RASEF: variants seen among roughly 807,000 people sequenced by gnomAD.
RASEF encodes RAS and EF-hand domain containing.
In RASEF, 68 loss-of-function variants were observed where a neutral mutation model predicts 90.1. That is an observed-to-expected ratio of 0.75 (90% CI 0.62 to 0.92). The LOEUF (loss-of-function observed/expected upper bound fraction) is 0.92, where lower values mean the gene tolerates loss of function less well. Among genes scored for constraint, RASEF ranks in the 40% least tolerant of loss-of-function variants. The pLI, the probability that RASEF is intolerant of heterozygous loss-of-function variation, is 0.00. For missense variants in RASEF, 949 were observed against 937.2 expected (o/e 1.01, Z -0.16); for synonymous variants, 331 against 345.2 (o/e 0.96, Z 0.46).
the RASEF span, among the ~76,000 whole-genome samples, chr9:83,088,413 C>T: frequency 1.3e-4 from 11 of 86,312 alleles, no homozygotes; most frequent in Admixed American, 5.9e-4. Context: ...TAGATAGATA[C>T]ACAGATAATA....
At chr9:83,102,261 A>G in the RASEF span, among the ~76,000 whole-genome samples, 1 of 152,164 alleles carries the variant, frequency 6.6e-6, no homozygotes, top group Admixed American at 6.5e-5. Flanking sequence ...TATTTTTAGT[A>G]GAGACAGGCT....
chr9:83,091,846 C>A, the RASEF span, among the ~76,000 whole-genome samples: 1 of 152,042 alleles, frequency 6.6e-6, no homozygotes, highest in African/African-American at 2.4e-5. Flanking sequence ...TTGTTTACTG[C>A]TTCCATCAGT....
intron 1 of RASEF, among the ~76,000 whole-genome samples, chr9:83,045,305 G>A (rs902716198): frequency 8.5e-5 from 13 of 152,154 alleles, no homozygotes; most frequent in African/African-American, 1.4e-4. Context: ...CAATGTACCA[G>A]CTTCACAGTG....
chr9:82,993,198 C>T (rs1477408094), intron 14 of RASEF, among the ~76,000 whole-genome samples, 173 bp from the exon 15 acceptor site: 1 of 152,124 alleles, frequency 6.6e-6, no homozygotes, highest in Non-Finnish European at 1.5e-5. Context: ...ATACATTTTC[C>T]CATTCACAGA....
chr9:83,216,817 C>T, the RASEF span, among the ~76,000 whole-genome samples: 1 of 151,606 alleles, frequency 6.6e-6, no homozygotes, highest in Middle Eastern at 3.2e-3. Flanking sequence ...GAGAAACTGG[C>T]CAAAACAAAG....
the RASEF span, among the ~76,000 whole-genome samples, chr9:83,089,962 A>G: frequency 2.0e-5 from 3 of 152,212 alleles, no homozygotes; most frequent in Admixed American, 2.0e-4. Context: ...ATATATAGAT[A>G]TAGATAGATG....
the RASEF span, among the ~76,000 whole-genome samples, chr9:83,164,371 ATATG>A: frequency 1.7e-3 from 252 of 145,442 alleles, 2 homozygotes; most frequent in African/African-American, 5.7e-3. Flanking sequence ...ATATATATAT[ATATG>A]TGTGTGTGTG....
Position 82,982,648 on chromosome 9 carries a change from A to C in RASEF, c.*29T>G. 8.3e-7 allele frequency: 1 copy of C among 1,206,804 alleles called. No homozygotes were observed. 74.8% of individuals were successfully genotyped at this position (1,206,804 alleles called of 1,614,324 possible). A position where few individuals can be genotyped will look rare whatever the true frequency, so the allele number is the denominator to read the frequency against. The stretch of plus-strand genomic sequence containing the variant: ...CACAAATTCAGTATTCTGGAAATGA[A>C]GACTTCACAGGCCAAGGATGTTTGG... On this transcript the variant is annotated 3_prime_UTR_variant, in exon 17 of 17. Coordinates refer to ENST00000376447, the MANE Select transcript of RASEF (RefSeq NM_152573.4).
chr9:83,089,166 C>CA, the RASEF span, among the ~76,000 whole-genome samples: 1 of 151,824 alleles, frequency 6.6e-6, no homozygotes, highest in Admixed American at 6.6e-5. Flanking sequence ...TAATAGTATA[C>CA]AAAAAAATTG....
chr9:83,023,433 T>C (rs993099163), intron 2 of RASEF, among the ~76,000 whole-genome samples: 1 of 152,200 alleles, frequency 6.6e-6, no homozygotes, highest in African/African-American at 2.4e-5. Flanking sequence ...GTCTTCTAGT[T>C]TGATGGGTCT....
chr9:83,028,874 TC>T (rs1199569042), intron 1 of RASEF, among the ~76,000 whole-genome samples: 2 of 152,054 alleles, frequency 1.3e-5, no homozygotes, highest in Non-Finnish European at 2.9e-5. Context: ...CCTAATCCAA[TC>T]TTACTGGTCA....
At chr9:83,093,646 C>T in the RASEF span, among the ~76,000 whole-genome samples, 1 of 152,202 alleles carries the variant, frequency 6.6e-6, no homozygotes, top group Admixed American at 6.5e-5. Flanking sequence ...CCAGCTGGCC[C>T]GCAAGGGCCG....
chr9:83,074,860 G>A, the RASEF span, among the ~76,000 whole-genome samples: 1 of 152,200 alleles, frequency 6.6e-6, no homozygotes, highest in African/African-American at 2.4e-5. Flanking sequence ...TTTCAAACCA[G>A]TCTTTTACCT....
At chr9:83,035,980 T>C (rs1296579194) in intron 1 of RASEF, among the ~76,000 whole-genome samples, 1 of 152,240 alleles carries the variant, frequency 6.6e-6, no homozygotes, top group African/African-American at 2.4e-5. Flanking sequence ...ACATTTAAGC[T>C]TATTAACAGT....
the RASEF span, among the ~76,000 whole-genome samples, chr9:83,081,659 T>C: frequency 6.6e-6 from 1 of 152,222 alleles, no homozygotes; most frequent in African/African-American, 2.4e-5. Flanking sequence ...TCCCATCACT[T>C]TTAGAATAGA....
chr9:83,006,514 A>G (rs1265787932), intron 7 of RASEF, among the ~76,000 whole-genome samples: 1 of 152,206 alleles, frequency 6.6e-6, no homozygotes, highest in East Asian at 1.9e-4. Context: ...TGGTGAAAAA[A>G]AAAAAGGTCA....
the RASEF span, among the ~76,000 whole-genome samples, chr9:83,148,925 C>T: frequency 6.6e-6 from 1 of 152,172 alleles, no homozygotes; most frequent in African/African-American, 2.4e-5. Context: ...TGAAGAACAT[C>T]CCTGCATTGC....
chr9:83,093,264 T>G, the RASEF span, among the ~76,000 whole-genome samples: 1 of 152,204 alleles, frequency 6.6e-6, no homozygotes, highest in Non-Finnish European at 1.5e-5. Context: ...AGGCTGCAGG[T>G]GGAGCTGCCT....
the RASEF span, among the ~76,000 whole-genome samples, chr9:83,105,658 T>C: frequency 2.6e-5 from 4 of 152,338 alleles, no homozygotes; most frequent in Non-Finnish European, 5.9e-5. Context: ...TGGTATAATA[T>C]GGGATCATGT....
Sources: allele counts gnomAD v4.1 joint callset (sites outside exome capture counted in the v4.1 genomes callset), GRCh38; gene constraint gnomAD v4.1.1; transcripts MANE v1.5; gene names NCBI Gene and HGNC (gene_info 2026-07-23, HGNC 2026-07-21).